The following APBB2 variants were observed in gnomAD, a reference collection of about 807,000 sequenced individuals.
The protein encoded by APBB2 is amyloid beta precursor protein binding family B member 2, also known as Fe65-like 1.
A neutral mutation model predicts 82.5 loss-of-function variants in APBB2; 38 were observed. The ratio of observed to expected loss-of-function variants is 0.46; its 90% CI spans 0.36 to 0.60. APBB2 has a LOEUF of 0.60. Among genes scored for constraint, APBB2 ranks in the 20% least tolerant of loss-of-function variants. The pLI is 0.00. For missense variants in APBB2, 772 were observed against 972.3 expected (o/e 0.79, Z 2.74); for synonymous variants, 341 against 368.2 (o/e 0.93, Z 0.85).
chr4:40,847,375 T>A (rs890174603), intron 12 of APBB2, among the ~76,000 whole-genome samples: 1 of 152,202 alleles, frequency 6.6e-6, no homozygotes, highest in Non-Finnish European at 1.5e-5. Context: ...GACGTGAGAA[T>A]CACTGCAACC....
chr4:41,091,727 T>C (rs1230935107), intron 3 of APBB2, among the ~76,000 whole-genome samples: 1 of 152,208 alleles, frequency 6.6e-6, no homozygotes, highest in Non-Finnish European at 1.5e-5. Context: ...ACTGTGATTA[T>C]ATATTAAGTA....
chr4:41,066,916 G>A (rs1732080583), intron 3 of APBB2, among the ~76,000 whole-genome samples: 1 of 152,180 alleles, frequency 6.6e-6, no homozygotes, highest in South Asian at 2.1e-4. Flanking sequence ...CTGTTCGGTT[G>A]TTACAATCAT....
intron 6 of APBB2, among the ~76,000 whole-genome samples, chr4:40,980,109 G>A (rs1467244725): frequency 2.0e-5 from 3 of 152,072 alleles, no homozygotes; most frequent in Admixed American, 1.3e-4. Context: ...TGCAACCTCC[G>A]CCTCCTCGGT....
intron 6 of APBB2, among the ~76,000 whole-genome samples, chr4:40,946,245 A>AT (rs1788389412): frequency 6.6e-6 from 1 of 150,522 alleles, no homozygotes; most frequent in Non-Finnish European, 1.5e-5. Context: ...AAAAAAAAAA[A>AT]AAAAAAAAAC....
At chr4:40,913,912 G>C (rs1453386837) in intron 10 of APBB2, among the ~76,000 whole-genome samples, 1 of 152,092 alleles carries the variant, frequency 6.6e-6, no homozygotes, top group African/African-American at 2.4e-5. Flanking sequence ...TGGTGGCCAT[G>C]AGTTGAAGGT....
intron 1 of APBB2, among the ~76,000 whole-genome samples, chr4:41,143,499 G>A (rs2154022189): frequency 6.6e-6 from 1 of 152,318 alleles, no homozygotes; most frequent in East Asian, 1.9e-4. Context: ...GCAGGGCTCA[G>A]TCTGAATTCT....
chr4:41,056,308 G>A lies in APBB2; in HGVS notation c.-51+9268C>T, dbSNP rs571447937. Reference sequence around the variant, plus strand: ...CCTAGGCCCTTCTCATTTGATCCCAGTTCATCAGATCCCTCCGTAATGTAC... The same window carrying A: ...CCTAGGCCCTTCTCATTTGATCCCAATTCATCAGATCCCTCCGTAATGTAC... On this transcript the variant is annotated intron_variant, in intron 4 of 17. Coordinates refer to ENST00000508593, the MANE Select transcript of APBB2 (RefSeq NM_004307.2). Among the ~76,000 whole-genome samples, 4 of 152,268 alleles carry A rather than the reference G, an allele frequency of 2.6e-5. No homozygotes were observed. The East Asian group carries it at 7.7e-4, about 29-fold the overall frequency.
intron 10 of APBB2, among the ~76,000 whole-genome samples, chr4:40,930,477 G>A (rs916527515): frequency 2.8e-4 from 41 of 146,636 alleles, no homozygotes; most frequent in Admixed American, 7.3e-4. Flanking sequence ...GTGCGCGTGC[G>A]CGTATGCGTG....
intron 6 of APBB2, among the ~76,000 whole-genome samples, chr4:40,954,557 C>T (rs7697609): frequency 0.21 from 32,543 of 152,132 alleles, 3,794 homozygotes; most frequent in African/African-American, 0.28. Context: ...CTTGTGAGAA[C>T]GTACACTGCT....
chr4:41,030,953 G>A (rs1222789815), intron 5 of APBB2, among the ~76,000 whole-genome samples: 2 of 152,134 alleles, frequency 1.3e-5, no homozygotes, highest in Non-Finnish European at 2.9e-5. Context: ...GGCAGGGCGT[G>A]GTGACTCACA....
intron 6 of APBB2, among the ~76,000 whole-genome samples, chr4:40,982,786 C>CAA (rs3058140): frequency 1.4e-5 from 2 of 146,094 alleles, no homozygotes; most frequent in African/African-American, 5.1e-5. Flanking sequence ...GACCCTGTCT[C>CAA]AAAAAAAAAA....
intron 3 of APBB2, among the ~76,000 whole-genome samples, chr4:41,097,929 T>A (rs1291951179): frequency 6.6e-6 from 1 of 152,164 alleles, no homozygotes; most frequent in East Asian, 1.9e-4. Context: ...CACCAAGACA[T>A]TTAAGTATCC....
chr4:40,937,708 T>C (rs1052345024), intron 7 of APBB2, among the ~76,000 whole-genome samples: 1 of 152,338 alleles, frequency 6.6e-6, no homozygotes, highest in South Asian at 2.1e-4. Context: ...TTACATCAAA[T>C]ATGACAAACT....
At chr4:41,097,557 G>C (rs182999061) in intron 3 of APBB2, among the ~76,000 whole-genome samples, 65 of 152,286 alleles carry the variant, frequency 4.3e-4, no homozygotes, top group African/African-American at 1.5e-3. Context: ...TTATTATTAA[G>C]TGGAAAAAGT....
chr4:41,037,346 T>C (rs1261404557), intron 4 of APBB2, among the ~76,000 whole-genome samples: 1 of 152,232 alleles, frequency 6.6e-6, no homozygotes, highest in Non-Finnish European at 1.5e-5. Flanking sequence ...GTTGAAACGA[T>C]AATATTTTGG....
At position 40,966,943 on chromosome 4, in the gene APBB2, G is replaced by A. The variant is rs1319010390; in HGVS notation, c.836-21870C>T. Among the ~76,000 whole-genome samples the A allele has an allele frequency of 5.3e-5, 8 of 152,326 alleles. No homozygotes were observed. In the East Asian group the frequency reaches 1.5e-3, roughly 29 times the overall value. Reference sequence around the variant, plus strand: ...CAACCAGAGGCCTAGGGGCTGGGCTGCCAGTTCCATGGACCAGGGTGAGAA... The same window carrying A: ...CAACCAGAGGCCTAGGGGCTGGGCTACCAGTTCCATGGACCAGGGTGAGAA... On this transcript the variant is annotated intron_variant, in intron 6 of 17. Coordinates refer to ENST00000508593, the MANE Select transcript of APBB2 (RefSeq NM_004307.2).
intron 3 of APBB2, among the ~76,000 whole-genome samples, chr4:41,072,864 T>C (rs566185100): frequency 2.0e-5 from 3 of 152,312 alleles, no homozygotes; most frequent in Admixed American, 1.3e-4. Flanking sequence ...ACTTTACCAT[T>C]GCATACATTA....
intron 12 of APBB2, among the ~76,000 whole-genome samples, chr4:40,834,508 C>G (rs1407475196): frequency 6.6e-6 from 1 of 151,096 alleles, no homozygotes; most frequent in African/African-American, 2.4e-5. Context: ...TTTTTGGCAC[C>G]TGACTTCTGA....
intron 6 of APBB2, among the ~76,000 whole-genome samples, chr4:40,993,459 C>G (rs1802740714): frequency 6.7e-6 from 1 of 149,094 alleles, no homozygotes; most frequent in Non-Finnish European, 1.5e-5. Flanking sequence ...TCTTGGCTCA[C>G]TGCAGCCTTG....
Sources: gnomAD v4.1 joint callset for allele counts (sites outside exome capture counted in the v4.1 genomes callset) on GRCh38, gnomAD v4.1.1 for gene constraint, MANE v1.5 for transcripts, NCBI Gene and HGNC (gene_info 2026-07-23, HGNC 2026-07-21) for gene names.